Variants in MYO3B observed in about 807,000 individuals in gnomAD.
MYO3B encodes myosin IIIB.
Under a neutral mutation model 174.6 loss-of-function variants are expected in MYO3B, and 156 were observed. That is an observed-to-expected ratio of 0.89 (90% CI 0.78 to 1.02). The LOEUF (loss-of-function observed/expected upper bound fraction) is 1.02. Among genes scored for constraint, MYO3B ranks in the 50% least tolerant of loss-of-function variants. The pLI is 0.00. For missense variants in MYO3B, 1,632 were observed against 1,639.4 expected, an observed-to-expected ratio of 1.00 and a Z score of 0.08; for synonymous variants, 563 against 569.1, an observed-to-expected ratio of 0.99 and a Z score of 0.15.
At chr2:170,234,527 A>G (rs66953468) in intron 6 of MYO3B, among the ~76,000 whole-genome samples, 84,048 of 152,034 alleles carry the variant, frequency 0.55, 23,471 homozygotes, top group Middle Eastern at 0.65. Context: ...TAACACATGA[A>G]TTTTGGGAGG....
At chr2:170,221,243 A>G (rs1435472116) in intron 6 of MYO3B, among the ~76,000 whole-genome samples, 2 of 152,128 alleles carry the variant, frequency 1.3e-5, no homozygotes, top group Admixed American at 1.3e-4. Flanking sequence ...TACCAATGCC[A>G]GTGGAATAAG....
chr2:170,482,238 C>CT (rs1685742228), intron 25 of MYO3B, among the ~76,000 whole-genome samples: 1 of 152,050 alleles, frequency 6.6e-6, no homozygotes, highest in Non-Finnish European at 1.5e-5. Context: ...TCACTGCAAC[C>CT]TCTCCCTCCA....
intron 7 of MYO3B, among the ~76,000 whole-genome samples, chr2:170,240,750 A>G (rs1010541504): frequency 1.3e-5 from 2 of 152,192 alleles, no homozygotes; most frequent in African/African-American, 2.4e-5. Flanking sequence ...TATTATTAGC[A>G]TCATGACTGA....
At chr2:170,467,731 T>G (rs1330060391) in intron 25 of MYO3B, among the ~76,000 whole-genome samples, 2 of 151,546 alleles carry the variant, frequency 1.3e-5, no homozygotes, top group East Asian at 3.9e-4. Flanking sequence ...TCCAAAATTT[T>G]CTCAGGAGAG....
At position 170,217,245 on chromosome 2, in the gene MYO3B, G is replaced by A. The variant is rs2092839301; in HGVS notation, c.527-74G>A. On this transcript the variant is annotated intron_variant, in intron 5 of 34. Transcript: ENST00000408978. ...CCTAAAGTACTTATTTGGCCTTTGT[G>A]GAAAAAGTCTGCCGATTGCTGGTCT... The A allele has an allele frequency of 3.0e-6, 4 of 1,343,734 alleles. No individual in the cohort carries two copies. The East Asian group carries it at 9.2e-5, about 31-fold the overall frequency. 83.2% of individuals were successfully genotyped at this position (1,343,734 alleles called of 1,614,324 possible). A position where few individuals can be genotyped will look rare whatever the true frequency, so the allele number is the denominator to read the frequency against.
At chr2:170,408,100 A>T (rs2094522790) in intron 22 of MYO3B, among the ~76,000 whole-genome samples, 1 of 152,338 alleles carries the variant, frequency 6.6e-6, no homozygotes, top group Admixed American at 6.5e-5. Context: ...CAACTCTTAG[A>T]CTTTCTTGTC....
At chr2:170,587,205 AC>A (rs1252956032) in intron 32 of MYO3B, among the ~76,000 whole-genome samples, 2 of 152,234 alleles carry the variant, frequency 1.3e-5, no homozygotes, top group Non-Finnish European at 2.9e-5. Flanking sequence ...ACTATACTGT[AC>A]TTTTTATTAT....
At chr2:170,255,489 C>T (rs2093296798) in intron 7 of MYO3B, among the ~76,000 whole-genome samples, 1 of 152,144 alleles carries the variant, frequency 6.6e-6, no homozygotes, top group South Asian at 2.1e-4. Context: ...AAAATAAGTT[C>T]CTTCAGCACC....
At chr2:170,609,777 T>C (rs1292710171) in intron 32 of MYO3B, among the ~76,000 whole-genome samples, 2 of 152,228 alleles carry the variant, frequency 1.3e-5, no homozygotes, top group Non-Finnish European at 2.9e-5. Flanking sequence ...GACAAAGGGC[T>C]GTTCCTCTTC....
At chr2:170,400,440 C>A in intron 17 of MYO3B, 126 bp downstream of exon 17, 1 of 1,182,752 alleles carries the variant, frequency 8.5e-7, no homozygotes, top group Non-Finnish European at 1.2e-6. Context: ...GAGTCTCACT[C>A]TGTCATCCAG....
intron 12 of MYO3B, 25 bp from the exon 13 acceptor site, chr2:170,386,163 AC>A (rs1376630701): frequency 1.2e-6 from 2 of 1,607,614 alleles, no homozygotes; most frequent in East Asian, 4.5e-5. Flanking sequence ...TAAATTCTTC[AC>A]TTGACGCTCC....
intron 7 of MYO3B, among the ~76,000 whole-genome samples, chr2:170,252,446 A>G (rs1386675678): frequency 6.6e-6 from 1 of 152,238 alleles, no homozygotes; most frequent in East Asian, 1.9e-4. Context: ...TTAATTCTCT[A>G]AGAGCATGTG....
At chr2:170,378,299 G>A (rs932571259) in intron 9 of MYO3B, among the ~76,000 whole-genome samples, 3 of 152,188 alleles carry the variant, frequency 2.0e-5, no homozygotes, top group African/African-American at 7.2e-5. Context: ...AACACTAGTT[G>A]TGGAAGGCAG....
chr2:170,613,537 A>G (rs1280945128), intron 32 of MYO3B, among the ~76,000 whole-genome samples: 3 of 152,220 alleles, frequency 2.0e-5, no homozygotes, highest in Admixed American at 6.5e-5. Flanking sequence ...AGCTGGGCCT[A>G]TAACACTCTC....
intron 23 of MYO3B, 69 bp from the exon 24 acceptor site, chr2:170,463,299 T>C (rs1684422331): frequency 2.1e-6 from 3 of 1,416,554 alleles, no homozygotes; most frequent in Non-Finnish European, 3.0e-6. Context: ...GCTTTCGGAT[T>C]TTGGAAGACA....
chr2:170,225,941 T>TA (rs2092947662), intron 6 of MYO3B, among the ~76,000 whole-genome samples: 1 of 152,198 alleles, frequency 6.6e-6, no homozygotes, highest in Non-Finnish European at 1.5e-5. Context: ...TTCTCATCTG[T>TA]AAAAAAGAAG....
Position 170,370,984 on chromosome 2 carries a change from C to T in MYO3B, c.971+1607C>T, listed in dbSNP as rs145658392. ...CTGTAATCCCAGCACTTTGGGAGGC[C>T]GAGGTGGATGAATCACAAGGTCAGG... On this transcript the variant is annotated intron_variant, in intron 9 of 34. Coordinates refer to ENST00000408978, the MANE Select transcript of MYO3B (RefSeq NM_138995.5). 9.9e-3 allele frequency among the ~76,000 whole-genome samples: 1,497 copies of T among 151,468 alleles called. 29 individuals carry two copies. Among genetic ancestry groups the T allele is most frequent in the African/African-American group, 0.034 (1,400 of 41,274 alleles).
chr2:170,416,984 C>A (rs933254501), intron 22 of MYO3B, among the ~76,000 whole-genome samples: 10 of 152,012 alleles, frequency 6.6e-5, no homozygotes, highest in Non-Finnish European at 1.2e-4. Context: ...GGCCACCACA[C>A]CCGACTAATT....
chr2:170,211,063 C>G (rs1338996296), intron 3 of MYO3B, among the ~76,000 whole-genome samples: 1 of 152,134 alleles, frequency 6.6e-6, no homozygotes, highest in Non-Finnish European at 1.5e-5. Flanking sequence ...GAGGCAAAAT[C>G]AGAGTTTGAG....
Sources: allele counts gnomAD v4.1 joint callset (sites outside exome capture counted in the v4.1 genomes callset), GRCh38; gene constraint gnomAD v4.1.1; transcripts MANE v1.5; gene names NCBI Gene and HGNC (gene_info 2026-07-23, HGNC 2026-07-21).